ARHGEF18: variants seen among roughly 807,000 people sequenced by gnomAD.
ARHGEF18 encodes the protein Rho/Rac guanine nucleotide exchange factor 18, also known as rho guanine nucleotide exchange factor 18.
Under a neutral mutation model 155.7 loss-of-function variants are expected in ARHGEF18, and 93 were observed. The ratio of observed to expected loss-of-function variants is 0.60; its 90% confidence interval spans 0.50 to 0.71. The LOEUF is 0.71. ARHGEF18 is among the 30% of genes least tolerant of loss of function. The pLI is 0.00. For synonymous variants in ARHGEF18, 742 were observed against 753.1 expected (o/e 0.99, Z 0.24); for missense variants, 1,593 against 1,816.1 (o/e 0.88, Z 2.23).
chr19:7,355,237 C>A (rs1329379337), intron 1 of ARHGEF18, among the ~76,000 whole-genome samples: 1 of 151,968 alleles, frequency 6.6e-6, no homozygotes, highest in Admixed American at 6.6e-5. Context: ...GTGCTCTCTA[C>A]ACAACATGGA....
At chr19:7,475,748 G>C (rs1329436707), downstream of ARHGEF18, among the ~76,000 whole-genome samples, 4 of 152,218 alleles carry the variant, frequency 2.6e-5, no homozygotes, top group African/African-American at 9.6e-5. Flanking sequence ...TCCCCACACA[G>C]AGGCGCTGCT....
At position 7,463,148 on chromosome 19, in the gene ARHGEF18, C is replaced by G. The variant is rs1299840393; in HGVS notation, c.2636-670C>G. Among the ~76,000 whole-genome samples the G allele has an allele frequency of 6.6e-6, 1 of 152,076 alleles. No individual in the cohort carries two copies. Among genetic ancestry groups the G allele is most frequent in the Non-Finnish European group, 1.5e-5 (1 of 67,992 alleles). On this transcript the variant is annotated intron_variant, in intron 21 of 28. Transcript: ENST00000668164. This position sits in a 1 kb window ranked among gnomAD's most constrained non-coding sequence, Gnocchi z 5.2. Reference sequence around the variant, plus strand: ...CGCGCCCTGCCTCAATCTGCTCTTTCAACAGTGAGGGAAGCCGACTCAGCC... The same window carrying G: ...CGCGCCCTGCCTCAATCTGCTCTTTGAACAGTGAGGGAAGCCGACTCAGCC...
intron 10 of ARHGEF18, among the ~76,000 whole-genome samples, chr19:7,418,880 A>C (rs1179424960): frequency 6.6e-6 from 1 of 151,790 alleles, no homozygotes; most frequent in Non-Finnish European, 1.5e-5. Flanking sequence ...CTTTCCTTTC[A>C]GACATCTGCT....
At chr19:7,396,467 C>T (rs1971715001) in intron 10 of ARHGEF18, among the ~76,000 whole-genome samples, 1 of 152,088 alleles carries the variant, frequency 6.6e-6, no homozygotes, top group Non-Finnish European at 1.5e-5. Flanking sequence ...CCTGTAATCC[C>T]AGCACTTTGG....
rs1220958131 is a variant in ARHGEF18, at chr19:7,395,381, C to G, written c.967+12178C>G. On this transcript the variant is annotated intron_variant, in intron 10 of 28. Coordinates refer to ENST00000668164, the MANE Select transcript of ARHGEF18 (RefSeq NM_001367823.1). This position sits in a 1 kb window ranked among gnomAD's most constrained non-coding sequence, Gnocchi z 5.0. The stretch of plus-strand genomic sequence containing the variant: ...TCCCGCCGGCTCCTGGGGGACTTCT[C>G]CAGGCAGGCGAACGGGTGCTGGGGT... 1.1e-6 allele frequency: 1 copy of G among 917,036 alleles called. No individual in the cohort carries two copies. The highest frequency in any genetic ancestry group is 1.8e-5 in the African/African-American group (1 of 55,798). 56.8% of individuals were successfully genotyped at this position (917,036 alleles called of 1,614,324 possible). A position where few individuals can be genotyped will look rare whatever the true frequency, so the allele number is the denominator to read the frequency against.
At chr19:7,380,669 G>A (rs1446674950) in intron 7 of ARHGEF18, among the ~76,000 whole-genome samples, 1 of 152,026 alleles carries the variant, frequency 6.6e-6, no homozygotes, top group Non-Finnish European at 1.5e-5. Context: ...GGGCAACAGA[G>A]GGAGACGCCA....
chr19:7,363,912 A>G lies in ARHGEF18; in HGVS notation c.15+1007A>G, dbSNP rs62639392. 2.7e-3 allele frequency among the ~76,000 whole-genome samples: 413 copies of G among 151,492 alleles called. 3 individuals carry two copies. Among genetic ancestry groups the G allele is most frequent in the Non-Finnish European group, 5.0e-3 (336 of 67,834 alleles). On this transcript the variant is annotated intron_variant, in intron 2 of 28. Transcript: ENST00000668164. ...GATGGATGGATGGGTTGATGGAAGG[A>G]AGGAGGATGGATAAATAAAAGAATG... is the stretch of plus-strand genomic sequence containing the variant.
Position 7,469,965 on chromosome 19 carries a change from C to T in ARHGEF18, c.3849C>T (p.Thr1283=). The T allele has an allele frequency of 6.2e-7, 1 of 1,613,160 alleles. No individual in the cohort carries two copies. The highest frequency in any genetic ancestry group is 8.5e-7 in the Non-Finnish European group (1 of 1,179,928). Residue 1283 remains threonine, a synonymous_variant, in exon 28 of 29, where the codon ACC becomes ACT. Transcript: ENST00000668164. ...LNKLMGKDES[T]SRNRRSLSPI... is the part of the protein sequence containing the mutation. ...AGCTCATGGGGAAAGATGAGAGCAC[C>T]TCACGGAACCGCCGCTCGCTGAGCC...
intron 1 of ARHGEF18, among the ~76,000 whole-genome samples, chr19:7,356,981 G>C (rs1183475386): frequency 6.6e-6 from 1 of 152,178 alleles, no homozygotes; most frequent in Non-Finnish European, 1.5e-5. Flanking sequence ...CCAAGGGCTG[G>C]GGTTAGGGGG....
intron 10 of ARHGEF18, among the ~76,000 whole-genome samples, chr19:7,428,933 C>T (rs1313194504): frequency 6.6e-6 from 1 of 152,188 alleles, no homozygotes; most frequent in Non-Finnish European, 1.5e-5. Context: ...GCACCTGACC[C>T]TTGCTCCCAG....
intron 1 of ARHGEF18, among the ~76,000 whole-genome samples, chr19:7,355,410 AC>A (rs1752765726): frequency 6.6e-6 from 1 of 152,122 alleles, no homozygotes; most frequent in African/African-American, 2.4e-5. Flanking sequence ...GGTTTAAGGG[AC>A]AGAGGGTGCT....
chr19:7,453,432 GA>G, intron 16 of ARHGEF18, 34 bp from the exon 17 acceptor site: 1 of 1,555,250 alleles, frequency 6.4e-7, no homozygotes, highest in Non-Finnish European at 8.7e-7. Context: ...TGTTAAAGTG[GA>G]AAAGAAAGAC....
chr19:7,466,394 A>C (rs1268424592), intron 23 of ARHGEF18, among the ~76,000 whole-genome samples: 2 of 150,864 alleles, frequency 1.3e-5, no homozygotes, highest in Non-Finnish European at 3.0e-5. Context: ...AAAAAAAAAA[A>C]AAAAAAATTA....
intron 10 of ARHGEF18, among the ~76,000 whole-genome samples, chr19:7,424,511 C>T (rs142571517): frequency 1.3e-4 from 20 of 152,178 alleles, no homozygotes; most frequent in Non-Finnish European, 2.6e-4. Context: ...AGCAGGGAAA[C>T]GATTAAAGCG....
rs1976301561 is a variant in ARHGEF18 at position 7,462,070 on chromosome 19, A to T, written c.2453-82A>T. On this transcript the variant is annotated intron_variant, in intron 20 of 28. Coordinates refer to ENST00000668164, the MANE Select transcript of ARHGEF18 (RefSeq NM_001367823.1). The surrounding 1 kb of genome is among the most constrained non-coding windows in gnomAD (Gnocchi z 4.4). Reference sequence around the variant, plus strand: ...CAGGGCAGGGCCAGCGGGGTTCCTCATCCTTAGGCCAGTCCCCGGGGCTCA... The same window carrying T: ...CAGGGCAGGGCCAGCGGGGTTCCTCTTCCTTAGGCCAGTCCCCGGGGCTCA... The T allele has an allele frequency of 1.3e-6, 2 of 1,573,418 alleles. No individual in the cohort carries two copies. The highest frequency in any genetic ancestry group is 1.7e-6 in the Non-Finnish European group (2 of 1,148,616).
At chr19:7,365,210 G>A (rs1363231863) in intron 2 of ARHGEF18, among the ~76,000 whole-genome samples, 1 of 152,140 alleles carries the variant, frequency 6.6e-6, no homozygotes, top group Non-Finnish European at 1.5e-5. Context: ...ACCAGTCTGG[G>A]CAACATGCCC....
intron 10 of ARHGEF18, among the ~76,000 whole-genome samples, chr19:7,421,422 C>T (rs1033634288): frequency 6.6e-6 from 1 of 152,144 alleles, no homozygotes; most frequent in South Asian, 2.1e-4. Context: ...AACTGTACCC[C>T]CCTCTTCTTT....
chr19:7,438,706 C>T (rs893686567), intron 10 of ARHGEF18, among the ~76,000 whole-genome samples: 3 of 151,948 alleles, frequency 2.0e-5, no homozygotes, highest in South Asian at 2.1e-4. Flanking sequence ...CCACCGTGTC[C>T]GGCCGCCAGA....
At position 7,469,888 on chromosome 19, in the gene ARHGEF18, A is replaced by G. The variant is rs766229749; in HGVS notation, c.3788-16A>G. The G allele has an allele frequency of 2.5e-6, 4 of 1,611,008 alleles. No homozygotes were observed. The highest frequency in any genetic ancestry group is 3.4e-6 in the Non-Finnish European group (4 of 1,179,040). ...TGGCCAGCCTGGAGCTGGCCCAAAT[A>G]CCTTCTCTCTTCCAGCGTCCTTCGA... On this transcript the variant is annotated splice_polypyrimidine_tract_variant and intron_variant, in intron 27 of 28. Transcript: ENST00000668164.
Sources: allele counts gnomAD v4.1 joint callset (sites outside exome capture counted in the v4.1 genomes callset), GRCh38; gene constraint gnomAD v4.1.1; non-coding constraint Gnocchi (gnomAD v3.1); transcripts MANE v1.5; gene names NCBI Gene and HGNC (gene_info 2026-07-23, HGNC 2026-07-21).